CCDC40: variants seen among roughly 807,000 people sequenced by gnomAD.
CCDC40 encodes the protein coiled-coil domain-containing protein 40.
A neutral mutation model predicts 124.5 loss-of-function variants in CCDC40; 104 were observed. The ratio of observed to expected loss-of-function variants is 0.84; its 90% CI spans 0.71 to 0.98. The LOEUF (loss-of-function observed/expected upper bound fraction) is 0.98, where lower values mean the gene tolerates loss of function less well. Among genes scored for constraint, CCDC40 ranks in the 50% least tolerant of loss-of-function variants. CCDC40 has a pLI of 0.00. For synonymous variants in CCDC40, 580 were observed against 602.9 expected (o/e 0.96, Z 0.56); for missense variants, 1,463 against 1,503.9 (o/e 0.97, Z 0.45).
intron 17 of CCDC40, chr17:80,090,868 T>C: frequency 3.0e-6 from 3 of 987,846 alleles, no homozygotes; most frequent in Non-Finnish European, 3.8e-6. Context: ...GTGCATATGC[T>C]AATAAGATGT....
In CCDC40 at chr17:80,095,411, A is replaced by C. The variant is rs2038791698; in HGVS notation, c.2981A>C (p.Lys994Thr). ...KALTRTDFHH[K>T]QLELRRKIRD... ...CTCACCCGCACCGACTTCCACCACA[A>C]GCAGCTTGAGCTGCGCCGGAAAATC... Residue 994 changes from lysine to threonine, a missense_variant, in exon 18 of 20, where the codon AAG (lysine) becomes ACG (threonine). Lys to Thr is a moderately conservative substitution (Grantham distance 78). Coordinates refer to ENST00000397545, the MANE Select transcript of CCDC40 (RefSeq NM_017950.4). 1.2e-6 allele frequency: 2 copies of C among 1,614,176 alleles called. No individual in the cohort carries two copies. Among genetic ancestry groups the C allele is most frequent in the East Asian group, 2.2e-5 (1 of 44,888 alleles).
At chr17:80,043,965 C>T (rs1339389950) in intron 3 of CCDC40, among the ~76,000 whole-genome samples, 4 of 152,168 alleles carry the variant, frequency 2.6e-5, no homozygotes, top group African/African-American at 7.2e-5. Flanking sequence ...CCCAGCATAC[C>T]TTAGGTTTCA....
At chr17:80,067,881 T>A (rs1385405894) in intron 10 of CCDC40, 2 of 1,381,912 alleles carry the variant, frequency 1.4e-6, no homozygotes, top group African/African-American at 2.9e-5. Context: ...TAATCTTGTT[T>A]TATAAAACGT....
rs2037452030 is a variant in CCDC40, at chr17:80,047,366, T to G, written c.640T>G (p.Ser214Ala). 3 of 1,613,410 alleles carry G rather than the reference T, an allele frequency of 1.9e-6. No individual in the cohort carries two copies. Among genetic ancestry groups the G allele is most frequent in the Non-Finnish European group, 8.5e-7 (1 of 1,179,816 alleles). The change falls in exon 4 of 20, where the codon TCC becomes GCC. Residue 214 changes from serine to alanine, a missense_variant. Coordinates refer to ENST00000397545, the MANE Select transcript of CCDC40 (RefSeq NM_017950.4). The part of the protein sequence containing the change: ...FRLSHGSDIE[S>A]SDLEEFVSQE... ...GCTGAGCCACGGGAGCGACATCGAGTCCTCAGACCTGGAGGAGTTCGTCTC... is the reference window on the plus strand; with the variant it reads ...GCTGAGCCACGGGAGCGACATCGAGGCCTCAGACCTGGAGGAGTTCGTCTC...
chr17:80,082,151 A>G (rs1159228377), intron 12 of CCDC40, 93 bp downstream of exon 12: 2 of 1,110,380 alleles, frequency 1.8e-6, no homozygotes, highest in Non-Finnish European at 2.7e-6. Flanking sequence ...GGGCGGAGTC[A>G]GTGTGAGCAG....
Position 80,081,543 on chromosome 17 carries a change from C to A in CCDC40, c.1563-3C>A. 2 of 1,613,444 alleles carry A rather than the reference C, an allele frequency of 1.2e-6. No homozygotes were observed. The highest frequency in any genetic ancestry group is 4.5e-5 in the East Asian group (2 of 44,884). On this transcript the variant is annotated splice_polypyrimidine_tract_variant and splice_region_variant and intron_variant, in intron 10 of 19. Coordinates refer to ENST00000397545, the MANE Select transcript of CCDC40 (RefSeq NM_017950.4). ...ACTGGCTCTCCCCGCTGCATTTCTA[C>A]AGAGGATGCCAGCATCAAGCCAAAT... is the stretch of plus-strand genomic sequence containing the variant.
chr17:80,060,381 A>T (rs557426608), intron 9 of CCDC40, among the ~76,000 whole-genome samples: 14 of 152,112 alleles, frequency 9.2e-5, no homozygotes, highest in African/African-American at 3.1e-4. Context: ...TGTCTCCACA[A>T]AAAAATAATA....
chr17:80,040,693 AAAG>A (rs1457431625), intron 3 of CCDC40, among the ~76,000 whole-genome samples: 1 of 151,584 alleles, frequency 6.6e-6, no homozygotes, highest in Non-Finnish European at 1.5e-5. Flanking sequence ...AAAAAAAAAA[AAAG>A]AAAAGAAATT....
At chr17:80,043,207 C>T (rs1425457588) in intron 3 of CCDC40, among the ~76,000 whole-genome samples, 2 of 152,158 alleles carry the variant, frequency 1.3e-5, no homozygotes, top group African/African-American at 2.4e-5. Flanking sequence ...TTTGTGTGAT[C>T]GGACGCACCT....
rs749365171 is a variant in CCDC40, at chr17:80,048,713, G to A, written c.807G>A (p.Glu269=). 7.4e-6 allele frequency: 12 copies of A among 1,613,796 alleles called. No individual in the cohort carries two copies. The African/African-American group carries it at 1.5e-4, about 20-fold the overall frequency. ...GAGTGGAGTCCGAGGGGAGTGACGA[G>A]GAAGCAGAAGACGAAGGGTCCCAGC... The part of the protein sequence containing the change: ...AERVESEGSD[E]EAEDEGSQLV... Residue 269 remains glutamate (E), a synonymous_variant, in exon 5 of 20, where the codon GAG becomes GAA. Coordinates refer to ENST00000397545, the MANE Select transcript of CCDC40 (RefSeq NM_017950.4).
In CCDC40 at chr17:80,058,770, G is replaced by C; in HGVS notation, c.1318-88G>C. The C allele has an allele frequency of 6.2e-7, 1 of 1,608,476 alleles. No individual in the cohort carries two copies. Among genetic ancestry groups the C allele is most frequent in the Admixed American group, 1.7e-5 (1 of 60,010 alleles). ...CGGAGGGGTGGCGGCCGGCCTGGGT[G>C]GCGTCAACTTGTATCAAGGGTTGGT... On this transcript the variant is annotated intron_variant, in intron 8 of 19. Coordinates refer to ENST00000397545, the MANE Select transcript of CCDC40 (RefSeq NM_017950.4). This position sits in a 1 kb window ranked among gnomAD's most constrained non-coding sequence, Gnocchi z 4.2.
chr17:80,083,437 G>A (rs2038506788), intron 12 of CCDC40, among the ~76,000 whole-genome samples: 2 of 152,224 alleles, frequency 1.3e-5, no homozygotes, highest in Admixed American at 1.3e-4. Flanking sequence ...GGCGGGAGGA[G>A]AAGCTCAGAT....
chr17:80,053,190 G>A (rs1338497244), intron 7 of CCDC40, among the ~76,000 whole-genome samples: 1 of 152,224 alleles, frequency 6.6e-6, no homozygotes, highest in African/African-American at 2.4e-5. Context: ...AGAAAGACTC[G>A]TGACGGGCCA....
chr17:80,082,136 G>A (rs916920793), intron 12 of CCDC40, 78 bp downstream of exon 12: 53 of 1,281,850 alleles, frequency 4.1e-5, no homozygotes, highest in African/African-American at 1.3e-4. Context: ...TCCTGGAGGC[G>A]GAGAGGGCGG....
chr17:80,082,822 G>C (rs2038489702), intron 12 of CCDC40, among the ~76,000 whole-genome samples: 1 of 152,232 alleles, frequency 6.6e-6, no homozygotes, highest in East Asian at 1.9e-4. Flanking sequence ...TACGTGTTTT[G>C]CTGCCAGTTT....
chr17:80,095,625 G>C (rs1440582319), intron 18 of CCDC40, among the ~76,000 whole-genome samples, 174 bp downstream of exon 18: 1 of 152,058 alleles, frequency 6.6e-6, no homozygotes, highest in Non-Finnish European at 1.5e-5. Flanking sequence ...GATGCAGAGA[G>C]ACCATCCCCA....
chr17:80,088,676 G>T (rs1223235513), intron 16 of CCDC40, among the ~76,000 whole-genome samples: 1 of 152,244 alleles, frequency 6.6e-6, no homozygotes, highest in African/African-American at 2.4e-5. Context: ...GCATGGTGGT[G>T]CATGCCGGTA....
At chr17:80,079,901 A>C (rs2038407484) in intron 10 of CCDC40, among the ~76,000 whole-genome samples, 1 of 151,300 alleles carries the variant, frequency 6.6e-6, no homozygotes, top group Non-Finnish European at 1.5e-5. Context: ...CTCCAGCCTG[A>C]GTGGCAGAGC....
At position 80,084,968 on chromosome 17, in the gene CCDC40, C is replaced by T. The variant is rs367616783; in HGVS notation, c.2215C>T (p.Arg739Trp). Residue 739 changes from arginine (R) to tryptophan (W), a missense_variant, in exon 13 of 20, where the codon CGG becomes TGG. Transcript: ENST00000397545. Reference sequence around the variant, plus strand: ...CAACTTCCTCAACAAGCAGCTGGAGCGGATGGTCTCCGAGCTGGGGGTGAG... The same window carrying T: ...CAACTTCCTCAACAAGCAGCTGGAGTGGATGGTCTCCGAGCTGGGGGTGAG... The part of the protein sequence containing the change: ...LINFLNKQLE[R>W]MVSELGGEEV... 1.3e-5 allele frequency: 21 copies of T among 1,613,690 alleles called. No homozygotes were observed. Among genetic ancestry groups the T allele is most frequent in the African/African-American group, 2.7e-5 (2 of 74,938 alleles).
Sources: allele counts gnomAD v4.1 joint callset (sites outside exome capture counted in the v4.1 genomes callset), GRCh38; gene constraint gnomAD v4.1.1; non-coding constraint Gnocchi (gnomAD v3.1); transcripts MANE v1.5; gene names NCBI Gene and HGNC (gene_info 2026-07-23, HGNC 2026-07-21).